The following POU2F2 variants were observed in gnomAD, a reference collection of about 807,000 sequenced individuals.
The protein encoded by POU2F2 is POU class 2 homeobox 2.
In POU2F2, 14 loss-of-function variants were observed where a neutral mutation model predicts 63.5. The observed-to-expected ratio is 0.22, with a 90% CI of 0.15 to 0.34. The LOEUF is 0.34. POU2F2 is among the 10% of genes least tolerant of loss of function. POU2F2 has a pLI of 1.00. For missense variants in POU2F2, 607 were observed against 815.2 expected (o/e 0.74, Z 3.11); for synonymous variants, 306 against 348.6 (o/e 0.88, Z 1.36).
At chr19:42,186,742 C>T (rs897590333) in intron 1 of POU2F2, among the ~76,000 whole-genome samples, 3 of 151,994 alleles carry the variant, frequency 2.0e-5, no homozygotes, top group African/African-American at 4.8e-5. Flanking sequence ...TTAAAAAACC[C>T]GGAGGTAACT....
chr19:42,122,297 C>G (rs376666942), intron 3 of POU2F2, 47 bp downstream of exon 3: 57 of 1,556,000 alleles, frequency 3.7e-5, no homozygotes, highest in Non-Finnish European at 5.0e-5. Context: ...CTGAACCCCT[C>G]TCCCCATTCC....
intron 1 of POU2F2, among the ~76,000 whole-genome samples, chr19:42,195,694 C>T (rs1233878659): frequency 1.3e-4 from 18 of 136,900 alleles, no homozygotes; most frequent in African/African-American, 4.3e-4. Flanking sequence ...TTCCTTCCTT[C>T]GTTCCTTTTT....
chr19:42,152,833 G>A lies in POU2F2; in HGVS notation c.-9+7499C>T, dbSNP rs2034381183. On this transcript the variant is annotated intron_variant, in intron 2 of 6. Coordinates refer to the POU2F2 transcript ENST00000524801. The surrounding 1 kb of genome is among the most constrained non-coding windows in gnomAD (Gnocchi z 4.1). ...CATCCCCTCAATTGGGAGCAGCTCA[G>A]AAAGATGGGGCCCTTTGAAGGTGTG... 6.6e-6 allele frequency: 1 copy of A among 152,410 alleles called. No individual in the cohort carries two copies. Among genetic ancestry groups the A allele is most frequent in the African/African-American group, 2.4e-5 (1 of 41,454 alleles). The allele number at this position is 152,410 out of a possible 1,614,324, so 9.4% of individuals were successfully genotyped here.
At chr19:42,172,561 G>A (rs181542001) in intron 1 of POU2F2, among the ~76,000 whole-genome samples, 62 of 152,232 alleles carry the variant, frequency 4.1e-4, no homozygotes, top group African/African-American at 1.2e-3. Flanking sequence ...GGTGGTGATC[G>A]AGTGAGGGAA....
intron 1 of POU2F2, among the ~76,000 whole-genome samples, chr19:42,186,035 G>A (rs1390011197): frequency 1.3e-5 from 2 of 152,088 alleles, no homozygotes; most frequent in African/African-American, 4.8e-5. Flanking sequence ...GACTATAGGT[G>A]CGCACAACTA....
chr19:42,109,218 C>G (rs1314333561), intron 5 of POU2F2, among the ~76,000 whole-genome samples: 1 of 152,230 alleles, frequency 6.6e-6, no homozygotes, highest in Admixed American at 6.5e-5. Flanking sequence ...GGCCCAGGTG[C>G]TGCACCTCAC....
At chr19:42,110,302 A>T (rs2030868319) in intron 5 of POU2F2, among the ~76,000 whole-genome samples, 1 of 152,156 alleles carries the variant, frequency 6.6e-6, no homozygotes, top group Admixed American at 6.5e-5. Flanking sequence ...CATAAATAAA[A>T]TAAAACTTAA....
In POU2F2 at chr19:42,153,166, T is replaced by C. The variant is rs1211673949; in HGVS notation, c.-9+7166A>G. On this transcript the variant is annotated intron_variant, in intron 2 of 6. Transcript: ENST00000524801. The surrounding 1 kb of genome is among the most constrained non-coding windows in gnomAD (Gnocchi z 5.6). ...ACAGGAGGTTCCAGCGAGAGGTCTG[T>C]GGTGTGCGAGCTGCCATGGACGCAG... Among the ~76,000 whole-genome samples the C allele has an allele frequency of 6.6e-6, 1 of 152,132 alleles. No individual in the cohort carries two copies.
chr19:42,121,239 T>G (rs1428265312), intron 4 of POU2F2, among the ~76,000 whole-genome samples: 2 of 152,144 alleles, frequency 1.3e-5, no homozygotes, highest in African/African-American at 2.4e-5. Flanking sequence ...ATCGAGAGCC[T>G]GTCTCCCCTA....
intron 2 of POU2F2, among the ~76,000 whole-genome samples, chr19:42,154,059 C>T (rs954090640): frequency 2.0e-5 from 3 of 151,980 alleles, no homozygotes; most frequent in East Asian, 1.9e-4. Context: ...CTCCACCAAG[C>T]GACCTCCGTC....
chr19:42,132,425 C>T lies in POU2F2; in HGVS notation c.-14G>A. On this transcript the variant is annotated 5_prime_UTR_variant, in exon 1 of 15. Transcript: ENST00000692977. Reference sequence around the variant, plus strand: ...GGAGTGAACCATGCTGCCCGCCCCGCCAGGGCTGGGGGAACAACTGTGTCA... The same window carrying T: ...GGAGTGAACCATGCTGCCCGCCCCGTCAGGGCTGGGGGAACAACTGTGTCA... 6.7e-7 allele frequency: 1 copy of T among 1,491,636 alleles called. No homozygotes were observed. The highest frequency in any genetic ancestry group is 2.7e-5 in the East Asian group (1 of 36,906). The allele number at this position is 1,491,636 out of a possible 1,614,324, so 92.4% of individuals were successfully genotyped here.
intron 2 of POU2F2, among the ~76,000 whole-genome samples, chr19:42,141,641 C>G (rs2034130429): frequency 6.6e-6 from 1 of 152,034 alleles, no homozygotes; most frequent in Non-Finnish European, 1.5e-5. Context: ...ACCACCACAC[C>G]TGGCTAATTT....
chr19:42,167,181 A>C (rs1278728781), intron 1 of POU2F2, among the ~76,000 whole-genome samples: 1 of 152,214 alleles, frequency 6.6e-6, no homozygotes, highest in Non-Finnish European at 1.5e-5. Context: ...TTGGCCAGGC[A>C]CAGTGGCTCA....
At chr19:42,123,342 C>G (rs1341900686) in intron 1 of POU2F2, 1 of 152,276 alleles carries the variant, frequency 6.6e-6, no homozygotes, top group Non-Finnish European at 1.5e-5. Flanking sequence ...CTATAGCTCC[C>G]TAGGCCCAGG....
chr19:42,132,270 C>G, intron 1 of POU2F2, 114 bp downstream of exon 1: 2 of 1,243,360 alleles, frequency 1.6e-6, no homozygotes, highest in Non-Finnish European at 2.2e-6. Context: ...TGCTAGAGTA[C>G]AGAGGAGAAG....
In POU2F2 at chr19:42,153,687, G is replaced by T. The variant is rs2034399974; in HGVS notation, c.-9+6645C>A. Among the ~76,000 whole-genome samples, 1 of 152,154 alleles carries T rather than the reference G, an allele frequency of 6.6e-6. No homozygotes were observed. The highest frequency in any genetic ancestry group is 1.5e-5 in the Non-Finnish European group (1 of 68,024). On this transcript the variant is annotated intron_variant, in intron 2 of 6. Transcript: ENST00000524801. The surrounding 1 kb of genome is among the most constrained non-coding windows in gnomAD (Gnocchi z 5.6). ...TGTCTATGTGATGCTGTGTGTCCCT[G>T]TGTGCCGATGGTCGAGTGTGTTTCC... is the stretch of plus-strand genomic sequence containing the variant.
intron 1 of POU2F2, among the ~76,000 whole-genome samples, chr19:42,127,114 T>TA (rs558858219): frequency 8.0e-5 from 12 of 150,698 alleles, no homozygotes; most frequent in South Asian, 4.2e-4. Context: ...TCCAGCTAAT[T>TA]AAAAAAAAAA....
At chr19:42,118,855 C>G (rs1448761081) in intron 4 of POU2F2, among the ~76,000 whole-genome samples, 9 of 152,168 alleles carry the variant, frequency 5.9e-5, no homozygotes, top group Admixed American at 5.9e-4. Context: ...CAGAAAGCAA[C>G]TTGGGCAAAA....
chr19:42,088,469 G>A lies in POU2F2; in HGVS notation c.*2788C>T, dbSNP rs2076615579. The stretch of plus-strand genomic sequence containing the variant: ...GATGGGGAGGAAGCAGGATGAAGTG[G>A]GTGGTGGTGAGTCCTGGATTTTCTT... On this transcript the variant is annotated 3_prime_UTR_variant, in exon 15 of 15. Transcript: ENST00000692977. The A allele has an allele frequency of 1.3e-5, 2 of 151,790 alleles. No homozygotes were observed. Among genetic ancestry groups the A allele is most frequent in the South Asian group, 4.2e-4 (2 of 4,808 alleles). 9.4% of individuals were successfully genotyped at this position (151,790 alleles called of 1,614,324 possible). A position where few individuals can be genotyped will look rare whatever the true frequency, so the allele number is the denominator to read the frequency against.
Sources: allele counts gnomAD v4.1 joint callset (sites outside exome capture counted in the v4.1 genomes callset), GRCh38; gene constraint gnomAD v4.1.1; non-coding constraint Gnocchi (gnomAD v3.1); transcripts MANE v1.5; gene names NCBI Gene and HGNC (gene_info 2026-07-23, HGNC 2026-07-21).